The following ROBO2 variants were observed in gnomAD, a reference collection of about 807,000 sequenced individuals.
ROBO2 encodes the protein roundabout guidance receptor 2.
In ROBO2, 53 loss-of-function variants were observed where a neutral mutation model predicts 160.8. The ratio of observed to expected loss-of-function variants is 0.33; its 90% CI spans 0.26 to 0.41. The LOEUF is 0.41. ROBO2 is among the 10% of genes least tolerant of loss of function. The pLI is 1.00. For missense variants in ROBO2, 1,577 were observed against 1,722.4 expected, an observed-to-expected ratio of 0.92 and a Z score of 1.49; for synonymous variants, 664 against 611.7, an observed-to-expected ratio of 1.09 and a Z score of -1.26.
chr3:76,699,444 G>A (rs747663600), intron 2 of ROBO2, among the ~76,000 whole-genome samples: 7 of 152,046 alleles, frequency 4.6e-5, no homozygotes, highest in Non-Finnish European at 7.4e-5. Flanking sequence ...TTATTTGGAC[G>A]TTCTGATATC....
At chr3:77,294,406 A>T (rs2061765485) in intron 2 of ROBO2, among the ~76,000 whole-genome samples, 1 of 141,210 alleles carries the variant, frequency 7.1e-6, no homozygotes, top group South Asian at 2.2e-4. Context: ...CATAAAGTAA[A>T]ATTAATGGTA....
chr3:77,142,006 G>C (rs73843477), intron 2 of ROBO2, among the ~76,000 whole-genome samples: 2 of 152,138 alleles, frequency 1.3e-5, no homozygotes, highest in African/African-American at 4.8e-5. Context: ...ACCATTTTGC[G>C]TACTTGTGCT....
At chr3:76,555,332 G>A (rs1485802207) in intron 2 of ROBO2, among the ~76,000 whole-genome samples, 3 of 123,016 alleles carry the variant, frequency 2.4e-5, no homozygotes, top group African/African-American at 8.6e-5. Flanking sequence ...AAAAGAAGAA[G>A]AGGAAGAGGA....
chr3:77,314,852 G>A (rs1245218856), intron 2 of ROBO2, among the ~76,000 whole-genome samples: 2 of 152,156 alleles, frequency 1.3e-5, no homozygotes, highest in South Asian at 2.1e-4. Flanking sequence ...GGGAATGTGG[G>A]TAGGGTTTGT....
chr3:76,969,331 A>G (rs1577934956), intron 2 of ROBO2, among the ~76,000 whole-genome samples: 1 of 152,184 alleles, frequency 6.6e-6, no homozygotes, highest in African/African-American at 2.4e-5. Context: ...GGCTTCTCTC[A>G]TTATACTAAA....
intron 2 of ROBO2, among the ~76,000 whole-genome samples, chr3:77,010,286 TCAACA>T (rs927207353): frequency 4.0e-4 from 61 of 152,256 alleles, no homozygotes; most frequent in African/African-American, 1.4e-3. Flanking sequence ...CCACCAGTCC[TCAACA>T]CCCTCATCTT....
At chr3:77,050,067 A>G (rs3884526) in intron 1 of ROBO2, among the ~76,000 whole-genome samples, 16,046 of 152,254 alleles carry the variant, frequency 0.11, 1,133 homozygotes, top group East Asian at 0.22. Flanking sequence ...ATGCTAGAAT[A>G]TGATTAAACT....
At chr3:75,990,576 A>G (rs2065538732) in intron 2 of ROBO2, among the ~76,000 whole-genome samples, 1 of 152,164 alleles carries the variant, frequency 6.6e-6, no homozygotes, top group Non-Finnish European at 1.5e-5. Context: ...TGAAAGATAG[A>G]CTAACCTTTT....
chr3:76,258,792 T>A (rs1314769624), intron 2 of ROBO2, among the ~76,000 whole-genome samples: 5 of 152,106 alleles, frequency 3.3e-5, no homozygotes. Context: ...TCTAAACAGC[T>A]CTACCTAATT....
intron 2 of ROBO2, among the ~76,000 whole-genome samples, chr3:76,719,087 C>G (rs919833988): frequency 2.6e-5 from 4 of 151,996 alleles, no homozygotes; most frequent in African/African-American, 9.7e-5. Flanking sequence ...TACTGTGGCC[C>G]TATTTTGTTA....
intron 2 of ROBO2, among the ~76,000 whole-genome samples, chr3:76,538,968 G>C (rs994853448): frequency 3.3e-5 from 5 of 152,112 alleles, no homozygotes; most frequent in African/African-American, 1.2e-4. Context: ...TGATAGACTG[G>C]ATAAAGAAAA....
chr3:76,121,597 C>T (rs2070756719), intron 2 of ROBO2, among the ~76,000 whole-genome samples: 1 of 152,172 alleles, frequency 6.6e-6, no homozygotes, highest in Non-Finnish European at 1.5e-5. Flanking sequence ...GTGCTGCCTA[C>T]AGTACTGAAA....
chr3:76,492,189 T>C (rs2096428543), intron 2 of ROBO2, among the ~76,000 whole-genome samples: 1 of 152,186 alleles, frequency 6.6e-6, no homozygotes, highest in Non-Finnish European at 1.5e-5. Flanking sequence ...ATTTAAAATA[T>C]AGGCTCAGTG....
At chr3:76,030,278 A>G (rs1327501656) in intron 2 of ROBO2, among the ~76,000 whole-genome samples, 1 of 152,168 alleles carries the variant, frequency 6.6e-6, no homozygotes, top group East Asian at 1.9e-4. Flanking sequence ...CCTTTGTCAG[A>G]TGTGTAGATT....
chr3:76,892,541 G>A (rs2074429058), intron 2 of ROBO2, among the ~76,000 whole-genome samples: 1 of 151,996 alleles, frequency 6.6e-6, no homozygotes, highest in Non-Finnish European at 1.5e-5. Flanking sequence ...GCCTTCAGGT[G>A]TCTTTTTACC....
At chr3:77,205,020 C>T (rs1363379487) in intron 2 of ROBO2, among the ~76,000 whole-genome samples, 3 of 152,186 alleles carry the variant, frequency 2.0e-5, no homozygotes, top group Non-Finnish European at 4.4e-5. Context: ...GGCAAGTGCT[C>T]TGGGCTGCAG....
intron 8 of ROBO2, among the ~76,000 whole-genome samples, chr3:77,553,531 C>T (rs2092998945): frequency 1.3e-5 from 2 of 151,878 alleles, no homozygotes. Flanking sequence ...AAAAGCTGGG[C>T]CTCTTGTTCT....
chr3:76,309,407 C>G (rs2107774029), intron 2 of ROBO2, among the ~76,000 whole-genome samples: 1 of 152,238 alleles, frequency 6.6e-6, no homozygotes, highest in East Asian at 1.9e-4. Flanking sequence ...ATTATTGTTT[C>G]TAAACTAAGG....
intron 2 of ROBO2, among the ~76,000 whole-genome samples, chr3:76,862,005 C>G (rs941037935): frequency 7.3e-5 from 11 of 151,636 alleles, no homozygotes; most frequent in African/African-American, 2.2e-4. Context: ...ACCTCAAGAA[C>G]AAAGAGAACT....
Sources: allele counts gnomAD v4.1 joint callset (sites outside exome capture counted in the v4.1 genomes callset), GRCh38; gene constraint gnomAD v4.1.1; transcripts MANE v1.5; gene names NCBI Gene and HGNC (gene_info 2026-07-23, HGNC 2026-07-21).